Variants in BCAT1 observed in about 807,000 individuals in gnomAD.
BCAT1 encodes the protein branched chain amino acid transaminase 1, also known as branched-chain-amino-acid aminotransferase, cytosolic.
A neutral mutation model predicts 52.4 loss-of-function variants in BCAT1; 48 were observed. The ratio of observed to expected loss-of-function variants is 0.92; its 90% CI spans 0.73 to 1.16. The LOEUF (loss-of-function observed/expected upper bound fraction) is 1.16. Among genes scored for constraint, BCAT1 ranks in the 50% most tolerant of loss-of-function variants. The pLI is 0.00. For synonymous variants in BCAT1, 167 were observed against 161.3 expected (o/e 1.04, Z -0.27); for missense variants, 451 against 457.1 (o/e 0.99, Z 0.12).
intron 1 of BCAT1, 198 bp from the exon 2 acceptor site, chr12:24,902,083 C>T: frequency 1.3e-6 from 2 of 1,490,014 alleles, no homozygotes; most frequent in Non-Finnish European, 8.9e-7. Context: ...CTGCACTTCC[C>T]ACCCTGCCGG....
At chr12:24,903,160 C>T (rs1943163913) in intron 1 of BCAT1, 1 of 1,265,166 alleles carries the variant, frequency 7.9e-7, no homozygotes, top group Non-Finnish European at 1.0e-6. Context: ...GCAACCCCTC[C>T]AGCATCCCTT....
At chr12:24,835,449 T>C (rs1302160180) in intron 8 of BCAT1, among the ~76,000 whole-genome samples, 3 of 152,216 alleles carry the variant, frequency 2.0e-5, no homozygotes, top group African/African-American at 7.2e-5. Context: ...AACACCTGGG[T>C]CAAAAGTTCC....
At chr12:24,948,777 A>G in intron 1 of BCAT1, 150 bp downstream of exon 1, 1 of 853,150 alleles carries the variant, frequency 1.2e-6, no homozygotes, top group Non-Finnish European at 1.9e-6. Flanking sequence ...ACTACGATTG[A>G]TAAAGAAGAT....
rs756100857 is a variant in BCAT1 at position 24,881,426 on chromosome 12, G to C, written c.280-15C>G. 6.4e-7 allele frequency: 1 copy of C among 1,554,184 alleles called. No homozygotes were observed. On this transcript the variant is annotated splice_polypyrimidine_tract_variant and intron_variant, in intron 3 of 10. Coordinates refer to ENST00000261192, the MANE Select transcript of BCAT1 (RefSeq NM_005504.7). The stretch of plus-strand genomic sequence containing the variant: ...CCTTCAAATAACTGGAGATCAAAGA[G>C]AAAAAATCTTAGAGGGTAACCAAAA...
chr12:24,902,713 A>G, intron 1 of BCAT1: 1 of 610,792 alleles, frequency 1.6e-6, no homozygotes, highest in Admixed American at 3.8e-5. Context: ...GTTACCCATG[A>G]GGGTGCTAGA....
At chr12:24,820,252 A>G (rs1940059948) in intron 10 of BCAT1, among the ~76,000 whole-genome samples, 1 of 152,174 alleles carries the variant, frequency 6.6e-6, no homozygotes, top group African/African-American at 2.4e-5. Context: ...TTATGCTTTT[A>G]TGTAAAATCA....
At chr12:24,861,031 A>G (rs1433730424) in intron 5 of BCAT1, among the ~76,000 whole-genome samples, 1 of 152,236 alleles carries the variant, frequency 6.6e-6, no homozygotes, top group Non-Finnish European at 1.5e-5. Flanking sequence ...TACTGTGCAA[A>G]CAAATCAGTC....
chr12:24,844,115 A>G (rs1021343707), intron 6 of BCAT1, among the ~76,000 whole-genome samples: 1 of 152,336 alleles, frequency 6.6e-6, no homozygotes, highest in South Asian at 2.1e-4. Flanking sequence ...TCCTAGTTTC[A>G]TAAGCCCTTG....
chr12:24,878,312 T>C (rs754371299), intron 5 of BCAT1, among the ~76,000 whole-genome samples: 5 of 152,190 alleles, frequency 3.3e-5, no homozygotes, highest in Non-Finnish European at 7.3e-5. Context: ...GGATCTAATT[T>C]CTTATTAGAA....
intron 1 of BCAT1, among the ~76,000 whole-genome samples, chr12:24,930,136 T>G (rs1943656807): frequency 6.6e-6 from 1 of 152,210 alleles, no homozygotes; most frequent in South Asian, 2.1e-4. Flanking sequence ...TGCATCATGG[T>G]CACTTACGGA....
chr12:24,850,833 C>T (rs1261881464), intron 5 of BCAT1, among the ~76,000 whole-genome samples: 1 of 152,104 alleles, frequency 6.6e-6, no homozygotes, highest in African/African-American at 2.4e-5. Context: ...GGGAAGGCTG[C>T]CCGAATTGAG....
At chr12:24,862,999 C>T (rs909488231) in intron 5 of BCAT1, among the ~76,000 whole-genome samples, 6 of 152,178 alleles carry the variant, frequency 3.9e-5, no homozygotes, top group African/African-American at 7.2e-5. Flanking sequence ...TTTTCTGAGA[C>T]TTGCTGTAAC....
intron 1 of BCAT1, 107 bp from the exon 2 acceptor site, chr12:24,901,992 C>A (rs760381090): frequency 1.9e-6 from 3 of 1,601,026 alleles, no homozygotes; most frequent in South Asian, 2.2e-5. Context: ...CTCCAGGACC[C>A]AGGCAAACAC....
intron 10 of BCAT1, among the ~76,000 whole-genome samples, chr12:24,823,338 T>C (rs760875129): frequency 2.0e-5 from 3 of 152,174 alleles, no homozygotes; most frequent in Non-Finnish European, 4.4e-5. Flanking sequence ...TCTCCCAAAG[T>C]GTTGGGATTA....
intron 4 of BCAT1, among the ~76,000 whole-genome samples, chr12:24,880,844 GT>G (rs11369972): frequency 7.1e-6 from 1 of 141,806 alleles, no homozygotes; most frequent in Admixed American, 6.9e-5. Flanking sequence ...TTTGTTTTTT[GT>G]TTTTTTTTTT....
intron 6 of BCAT1, among the ~76,000 whole-genome samples, chr12:24,847,213 T>G (rs1941373666): frequency 6.6e-6 from 1 of 152,250 alleles, no homozygotes; most frequent in South Asian, 2.1e-4. Flanking sequence ...TTCAGGTTTT[T>G]TTCAGAGCAG....
chr12:24,860,910 T>G (rs1941833016), intron 5 of BCAT1, among the ~76,000 whole-genome samples: 1 of 152,218 alleles, frequency 6.6e-6, no homozygotes, highest in African/African-American at 2.4e-5. Context: ...CTGAGATTTC[T>G]TATGGAACAA....
At chr12:24,836,838 G>A (rs1362861422) in intron 7 of BCAT1, among the ~76,000 whole-genome samples, 2 of 80,480 alleles carry the variant, frequency 2.5e-5, no homozygotes. Flanking sequence ...AGGAAGGAAG[G>A]AGAGAGAGAG....
intron 4 of BCAT1, among the ~76,000 whole-genome samples, chr12:24,880,400 T>C (rs954092612): frequency 6.6e-6 from 1 of 152,188 alleles, no homozygotes; most frequent in Non-Finnish European, 1.5e-5. Flanking sequence ...GAGGTTGTAG[T>C]GAGCCAAGAT....
Sources: gnomAD v4.1 joint callset for allele counts (sites outside exome capture counted in the v4.1 genomes callset) on GRCh38, gnomAD v4.1.1 for gene constraint, MANE v1.5 for transcripts, NCBI Gene and HGNC (gene_info 2026-07-23, HGNC 2026-07-21) for gene names.